The following SORCS2 variants were observed in gnomAD, a reference collection of about 807,000 sequenced individuals.
SORCS2 encodes sortilin related VPS10 domain containing receptor 2.
In SORCS2, 100 loss-of-function variants were observed where a neutral mutation model predicts 141.6. The ratio of observed to expected loss-of-function variants is 0.71; its 90% CI spans 0.60 to 0.83. SORCS2 has a LOEUF of 0.83. SORCS2 is among the 40% of genes least tolerant of loss of function. The probability of loss-of-function intolerance (pLI) is 0.00; values close to 1 mark genes in which losing one functional copy is unlikely to be tolerated. For missense variants in SORCS2, 1,646 were observed against 1,560.2 expected, an observed-to-expected ratio of 1.05 and a Z score of -0.93; for synonymous variants, 789 against 676.9, an observed-to-expected ratio of 1.17 and a Z score of -2.57.
chr4:7,634,760 G>A (rs11722364), intron 3 of SORCS2, among the ~76,000 whole-genome samples: 87,443 of 152,034 alleles, frequency 0.58, 25,732 homozygotes, highest in East Asian at 0.96. Context: ...GGTCTGACAC[G>A]CAGGATCCTG....
intron 2 of SORCS2, among the ~76,000 whole-genome samples, chr4:7,504,055 C>G (rs1017402228): frequency 6.6e-6 from 1 of 152,192 alleles, no homozygotes; most frequent in African/African-American, 2.4e-5. Flanking sequence ...CCCCTGACCT[C>G]AAACCCTTAC....
intron 1 of SORCS2, among the ~76,000 whole-genome samples, chr4:7,235,673 TGGCCGTTGAGA>T (rs1712217738): frequency 6.6e-6 from 1 of 152,206 alleles, no homozygotes; most frequent in African/African-American, 2.4e-5. Context: ...GCTGTTTGTG[TGGCCGTTGAGA>T]GGCCAGGCCT....
intron 2 of SORCS2, among the ~76,000 whole-genome samples, chr4:7,500,155 G>A (rs1158988184): frequency 1.3e-5 from 2 of 152,132 alleles, no homozygotes; most frequent in Admixed American, 6.5e-5. Flanking sequence ...ACCCCTGCCC[G>A]GTGGTACGTC....
chr4:7,403,988 TA>T (rs1560256834), intron 2 of SORCS2, among the ~76,000 whole-genome samples: 6 of 7,382 alleles, frequency 8.1e-4, no homozygotes, highest in Admixed American at 1.8e-3. Flanking sequence ...TATATATATA[TA>T]TATATATATT....
intron 1 of SORCS2, among the ~76,000 whole-genome samples, chr4:7,195,876 T>C (rs1727138722): frequency 6.6e-6 from 1 of 152,224 alleles, no homozygotes; most frequent in Non-Finnish European, 1.5e-5. Context: ...TTTTCTTTCC[T>C]CAACTTGCTT....
chr4:7,340,239 C>G (rs1338311623), intron 1 of SORCS2, among the ~76,000 whole-genome samples: 3 of 152,234 alleles, frequency 2.0e-5, no homozygotes, highest in African/African-American at 7.2e-5. Flanking sequence ...CCTGTACGAC[C>G]CTCACACTCC....
chr4:7,243,067 G>A (rs1333702639), intron 1 of SORCS2, among the ~76,000 whole-genome samples: 11 of 152,104 alleles, frequency 7.2e-5, no homozygotes, highest in Non-Finnish European at 1.5e-4. Flanking sequence ...TTGGCTCGGC[G>A]CCCTGGTGAG....
chr4:7,359,291 G>T lies in SORCS2; in HGVS notation c.481-36997G>T, dbSNP rs534230286. On this transcript the variant is annotated intron_variant, in intron 1 of 26. Transcript: ENST00000507866. ...AGCCTGGGCAACAGAGCGAGACTCTGTTAAGCAAACAAGCAAATAAACAAA... is the reference window on the plus strand; with the variant it reads ...AGCCTGGGCAACAGAGCGAGACTCTTTTAAGCAAACAAGCAAATAAACAAA... Among the ~76,000 whole-genome samples the T allele has an allele frequency of 2.0e-5, 3 of 148,932 alleles. No homozygotes were observed. In the East Asian group the frequency reaches 5.9e-4, roughly 29 times the overall value.
chr4:7,595,374 G>A (rs1717196370), intron 3 of SORCS2, among the ~76,000 whole-genome samples: 1 of 152,114 alleles, frequency 6.6e-6, no homozygotes, highest in South Asian at 2.1e-4. Context: ...TAGGCACGGT[G>A]GATTAAGTCA....
chr4:7,727,958 C>T (rs1727339467), intron 21 of SORCS2, among the ~76,000 whole-genome samples: 1 of 152,166 alleles, frequency 6.6e-6, no homozygotes, highest in African/African-American at 2.4e-5. Flanking sequence ...GAGAGGCTGA[C>T]CTCATAGGGT....
intron 1 of SORCS2, among the ~76,000 whole-genome samples, chr4:7,328,554 AG>A (rs1489299144): frequency 6.6e-6 from 1 of 152,178 alleles, no homozygotes; most frequent in Non-Finnish European, 1.5e-5. Flanking sequence ...CCAGGTAGCC[AG>A]AGTGGAGTTC....
At chr4:7,678,210 C>T (rs17381515) in intron 9 of SORCS2, among the ~76,000 whole-genome samples, 56,667 of 147,658 alleles carry the variant, frequency 0.38, 10,956 homozygotes, top group Middle Eastern at 0.45. Context: ...TCAGGGAGTG[C>T]TTCCTGGAGG....
chr4:7,545,732 C>T (rs1333224909), intron 3 of SORCS2, among the ~76,000 whole-genome samples: 1 of 152,232 alleles, frequency 6.6e-6, no homozygotes, highest in Non-Finnish European at 1.5e-5. Context: ...TTTGTGGGCA[C>T]CTGCCTGCCT....
At chr4:7,241,913 C>T (rs758878623) in intron 1 of SORCS2, among the ~76,000 whole-genome samples, 6 of 152,186 alleles carry the variant, frequency 3.9e-5, no homozygotes, top group Non-Finnish European at 7.3e-5. Context: ...GCGTCTACTC[C>T]GTGCCTGGCA....
intron 1 of SORCS2, among the ~76,000 whole-genome samples, chr4:7,289,587 G>A (rs930225395): frequency 6.6e-6 from 1 of 152,214 alleles, no homozygotes; most frequent in African/African-American, 2.4e-5. Context: ...GGCAGCAGCT[G>A]CCACAGAGAC....
At chr4:7,715,509 C>T (rs998946573) in intron 17 of SORCS2, among the ~76,000 whole-genome samples, 198 bp downstream of exon 17, 5 of 152,252 alleles carry the variant, frequency 3.3e-5, no homozygotes, top group East Asian at 3.8e-4. Flanking sequence ...CACCAGACAT[C>T]ATGAGTGAAT....
rs116608778 is a variant in SORCS2, at chr4:7,449,420, C to T, written c.548+53065C>T. 4.8e-3 allele frequency among the ~76,000 whole-genome samples: 510 copies of T among 105,390 alleles called. 6 individuals are homozygous for T. Among genetic ancestry groups the T allele is most frequent in the Non-Finnish European group, 7.0e-3 (364 of 52,076 alleles). 69.1% of individuals were successfully genotyped at this position (105,390 alleles called of 152,430 possible). ...ACCTTCACAATAGCCCAGGATGGAA[C>T]GTACAGACTGACCAGGAAACAAACC... is the stretch of plus-strand genomic sequence containing the variant. On this transcript the variant is annotated intron_variant, in intron 2 of 26. Transcript: ENST00000507866.
chr4:7,737,121 G>C lies in SORCS2; in HGVS notation c.3364G>C (p.Glu1122Gln). The change falls in exon 26 of 27, where the codon GAG (glutamate) becomes CAG (glutamine). Residue 1122 changes from glutamate to glutamine, a missense_variant. Coordinates refer to ENST00000507866, the MANE Select transcript of SORCS2 (RefSeq NM_020777.3). Reference sequence around the variant, plus strand: ...CCAAATGCACAACGAGAAGGAGCAGGAGATGACCAGCCCTGTGAGTCACAG... The same window carrying C: ...CCAAATGCACAACGAGAAGGAGCAGCAGATGACCAGCCCTGTGAGTCACAG... ...YAQMHNEKEQ[E>Q]MTSPVSHSED... 1 of 1,551,506 alleles carries C rather than the reference G, an allele frequency of 6.4e-7. No individual in the cohort carries two copies. The highest frequency in any genetic ancestry group is 8.7e-7 in the Non-Finnish European group (1 of 1,146,974).
chr4:7,626,908 C>A (rs1719548104), intron 3 of SORCS2, among the ~76,000 whole-genome samples: 1 of 152,200 alleles, frequency 6.6e-6, no homozygotes, highest in South Asian at 2.1e-4. Flanking sequence ...TACTGTTCCC[C>A]ATCCTCATCC....
Sources: gnomAD v4.1 joint callset for allele counts (sites outside exome capture counted in the v4.1 genomes callset) on GRCh38, gnomAD v4.1.1 for gene constraint, MANE v1.5 for transcripts, NCBI Gene and HGNC (gene_info 2026-07-23, HGNC 2026-07-21) for gene names.